IARS2: variants seen among roughly 807,000 people sequenced by gnomAD.
IARS2 encodes the protein isoleucyl-tRNA synthetase 2, mitochondrial, also known as isoleucine--tRNA ligase, mitochondrial.
In IARS2, 56 loss-of-function variants were observed where a neutral mutation model predicts 126.3. That is an observed-to-expected ratio of 0.44 (90% CI 0.36 to 0.55). The LOEUF (loss-of-function observed/expected upper bound fraction) is 0.55, where lower values mean the gene tolerates loss of function less well. Ranked by LOEUF, IARS2 falls within the 20% of genes least tolerant of loss-of-function variation. IARS2 has a pLI of 0.00. For synonymous variants in IARS2, 407 were observed against 441.1 expected (o/e 0.92, Z 0.97); for missense variants, 1,127 against 1,245.9 (o/e 0.90, Z 1.44).
chr1:220,139,247 T>G, intron 18 of IARS2, 108 bp downstream of exon 18: 1 of 740,920 alleles, frequency 1.3e-6, no homozygotes, highest in Non-Finnish European at 2.1e-6. Context: ...ATAGTAACTA[T>G]AGCACTCTTG....
intron 3 of IARS2, 79 bp downstream of exon 3, chr1:220,100,728 G>A (rs1389891970): frequency 8.7e-7 from 1 of 1,148,516 alleles, no homozygotes; most frequent in Non-Finnish European, 1.2e-6. Flanking sequence ...TTTACCAAAG[G>A]AACCTTTTGT....
chr1:220,130,840 A>T (rs1657245374), intron 14 of IARS2, among the ~76,000 whole-genome samples: 2 of 152,144 alleles, frequency 1.3e-5, no homozygotes, highest in Admixed American at 1.3e-4. Context: ...TTTCTTAAAG[A>T]GGGTGTCCTT....
intron 10 of IARS2, 84 bp from the exon 11 acceptor site, chr1:220,110,702 A>T: frequency 1.9e-6 from 2 of 1,048,510 alleles, no homozygotes; most frequent in Non-Finnish European, 2.8e-6. Context: ...CTGCAGATTT[A>T]GTATTTTCTG....
At chr1:220,100,699 T>A (rs1656553565) in intron 3 of IARS2, 50 bp downstream of exon 3, 1 of 1,430,066 alleles carries the variant, frequency 7.0e-7, no homozygotes, top group Non-Finnish European at 9.7e-7. Flanking sequence ...AACACTCAGG[T>A]CCTTGAAATA....
chr1:220,103,531 A>G lies in IARS2; in HGVS notation c.1035A>G (p.Glu345=), dbSNP rs1656624268. The part of the protein sequence containing the change: ...DKVASVASTL[E]TTFETISTLS... ...TAGCATCTGTTGCTTCTACTTTGGA[A>G]ACAACATTTGAGACTATTTCAACAC... Residue 345 remains glutamate (E), a synonymous_variant, in exon 8 of 23, where the codon GAA becomes GAG. Coordinates refer to ENST00000366922, the MANE Select transcript of IARS2 (RefSeq NM_018060.4). The G allele has an allele frequency of 6.2e-7, 1 of 1,612,714 alleles. No individual in the cohort carries two copies. Among genetic ancestry groups the G allele is most frequent in the African/African-American group, 1.3e-5 (1 of 74,918 alleles).
At chr1:220,136,297 A>G (rs184831403) in intron 15 of IARS2, among the ~76,000 whole-genome samples, 12 of 152,132 alleles carry the variant, frequency 7.9e-5, no homozygotes, top group African/African-American at 1.2e-4. Flanking sequence ...ATACCCAGCT[A>G]ATTTTTGTAT....
Position 220,094,214 on chromosome 1 carries a change from A to AC in IARS2, c.-1dup, listed in dbSNP as rs1352286087. 10 of 1,565,708 alleles carry AC rather than the reference A, an allele frequency of 6.4e-6. No individual in the cohort carries two copies. Among genetic ancestry groups the AC allele is most frequent in the Non-Finnish European group, 7.8e-6 (9 of 1,158,264 alleles). On this transcript the variant is annotated 5_prime_UTR_variant, in exon 1 of 23. Transcript: ENST00000366922. ...GGACCCCGCTCTCAGGGGTTGCCGGACCATGCGTTGGGGGCTGCGCCCTCG... is the reference window on the plus strand; with the variant it reads ...GGACCCCGCTCTCAGGGGTTGCCGGACCCATGCGTTGGGGGCTGCGCCCTCG...
At chr1:220,143,984 C>G in intron 21 of IARS2, 1 of 1,511,236 alleles carries the variant, frequency 6.6e-7, no homozygotes, top group South Asian at 1.1e-5. Flanking sequence ...AGGATTTTCC[C>G]TCCTGTGTGT....
At chr1:220,117,083 A>G (rs1393462541) in intron 12 of IARS2, among the ~76,000 whole-genome samples, 4 of 150,924 alleles carry the variant, frequency 2.7e-5, no homozygotes, top group African/African-American at 4.9e-5. Flanking sequence ...TAAAGTGATT[A>G]TACCTGAGAC....
Position 220,119,945 on chromosome 1 carries a change from T to C in IARS2, c.1641-5292T>C, listed in dbSNP as rs1300777344. On this transcript the variant is annotated intron_variant, in intron 12 of 22. Transcript: ENST00000366922. ...TTCACAGTTAACTTTATATACTTTT[T>C]TCAAATTATCTTTTTAGATTTTGTT... Among the ~76,000 whole-genome samples the C allele has an allele frequency of 2.0e-5, 3 of 152,168 alleles. No homozygotes were observed. In the East Asian group the frequency reaches 5.8e-4, roughly 29 times the overall value.
chr1:220,102,859 C>G (rs1157742936), intron 7 of IARS2, 82 bp downstream of exon 7: 1 of 818,914 alleles, frequency 1.2e-6, no homozygotes, highest in Non-Finnish European at 2.0e-6. Context: ...TTATTTTATC[C>G]TGTTTATTAT....
chr1:220,128,356 AC>A (rs1324624069), intron 14 of IARS2, among the ~76,000 whole-genome samples: 5 of 152,222 alleles, frequency 3.3e-5, no homozygotes, highest in African/African-American at 1.2e-4. Context: ...GTTCAGATAC[AC>A]AAATACATAC....
At chr1:220,116,534 A>C (rs1360494866) in intron 12 of IARS2, among the ~76,000 whole-genome samples, 1 of 152,004 alleles carries the variant, frequency 6.6e-6, no homozygotes, top group Non-Finnish European at 1.5e-5. Flanking sequence ...AGACTTGAGG[A>C]GTAAGAGTAT....
At chr1:220,119,782 C>A (rs967735154) in intron 12 of IARS2, among the ~76,000 whole-genome samples, 1 of 152,076 alleles carries the variant, frequency 6.6e-6, no homozygotes, top group East Asian at 1.9e-4. Flanking sequence ...GAATATGTAC[C>A]TGTTAAAAAT....
chr1:220,104,342 A>T (rs1485880133), intron 8 of IARS2, among the ~76,000 whole-genome samples: 1 of 152,144 alleles, frequency 6.6e-6, no homozygotes, highest in Non-Finnish European at 1.5e-5. Context: ...AAATATAATT[A>T]TGGAAGTCTA....
chr1:220,142,980 C>T lies in IARS2; in HGVS notation c.2597C>T (p.Thr866Ile), dbSNP rs1657519283. The T allele has an allele frequency of 1.2e-6, 2 of 1,613,834 alleles. No individual in the cohort carries two copies. Among genetic ancestry groups the T allele is most frequent in the South Asian group, 1.1e-5 (1 of 91,060 alleles). Reference sequence around the variant, plus strand: ...GTTTTCCGTACTGGGTGGATTAGTACTAGTTCTATCTGGAAAAAGCCCGGG... The same window carrying T: ...GTTTTCCGTACTGGGTGGATTAGTATTAGTTCTATCTGGAAAAAGCCCGGG... ...KSVFRTGWIS[T>I]SSIWKKPGLE... Residue 866 changes from threonine to isoleucine, a missense_variant, in exon 21 of 23, where the codon ACT becomes ATT. Physicochemically the swap from Thr to Ile is moderately conservative, Grantham distance 89. Transcript: ENST00000366922.
intron 15 of IARS2, 91 bp downstream of exon 15, chr1:220,134,601 T>C: frequency 1.5e-6 from 1 of 661,610 alleles, no homozygotes; most frequent in South Asian, 2.9e-5. Context: ...GGCACCACTC[T>C]TGATTGCTTA....
intron 2 of IARS2, among the ~76,000 whole-genome samples, chr1:220,097,373 T>TC (rs1656467330): frequency 6.6e-6 from 1 of 150,604 alleles, no homozygotes; most frequent in Admixed American, 6.6e-5. Flanking sequence ...TTCTTTTTTT[T>TC]TTTTTTTTGA....
At chr1:220,103,702 C>G (rs1656627382) in intron 8 of IARS2, 140 bp downstream of exon 8, 1 of 552,180 alleles carries the variant, frequency 1.8e-6, no homozygotes, top group South Asian at 2.6e-5. Context: ...ATTGATTACA[C>G]TAAAGGAGAA....
Sources: allele counts gnomAD v4.1 joint callset (sites outside exome capture counted in the v4.1 genomes callset), GRCh38; gene constraint gnomAD v4.1.1; transcripts MANE v1.5; gene names NCBI Gene and HGNC (gene_info 2026-07-23, HGNC 2026-07-21).